Variants in MCOLN3 observed in about 807,000 individuals in gnomAD.
MCOLN3 encodes the protein mucolipin-3.
A neutral mutation model predicts 69.4 loss-of-function variants in MCOLN3; 62 were observed. That is an observed-to-expected ratio of 0.89 (90% CI 0.73 to 1.10). The LOEUF is 1.10. Ranked by LOEUF, MCOLN3 falls within the 50% of genes least tolerant of loss-of-function variation. MCOLN3 has a pLI of 0.00. For synonymous variants in MCOLN3, 183 were observed against 217.0 expected (o/e 0.84, Z 1.38); for missense variants, 564 against 656.4 (o/e 0.86, Z 1.54).
chr1:85,047,796 G>A (rs1022841129), intron 1 of MCOLN3, among the ~76,000 whole-genome samples: 6 of 152,148 alleles, frequency 3.9e-5, no homozygotes, highest in African/African-American at 1.4e-4. Context: ...TTGTTGGGTA[G>A]TGTGTGCGAG....
At chr1:85,044,786 A>C (rs1290893116) in intron 2 of MCOLN3, among the ~76,000 whole-genome samples, 1 of 152,246 alleles carries the variant, frequency 6.6e-6, no homozygotes, top group Non-Finnish European at 1.5e-5. Flanking sequence ...CTAGGAAGGA[A>C]AAGAAAGTCC....
At chr1:85,045,405 T>A (rs766950232) in intron 1 of MCOLN3, 43 bp from the exon 2 acceptor site, 10 of 1,484,834 alleles carry the variant, frequency 6.7e-6, no homozygotes, top group Non-Finnish European at 9.2e-6. Flanking sequence ...ACATTTCCAT[T>A]TAGTGAGTAA....
chr1:85,021,237 G>C lies in MCOLN3; in HGVS notation c.1360C>G (p.Leu454Val). The C allele has an allele frequency of 6.2e-7, 1 of 1,613,730 alleles. No individual in the cohort carries two copies. The highest frequency in any genetic ancestry group is 1.1e-5 in the South Asian group (1 of 91,022). ...LNMVSECLFSLINGDDMFATF... is the reference protein window; with the variant it reads ...LNMVSECLFSVINGDDMFATF... ...GCAAACATATCATCTCCATTTATCAGAGAGAAAAGGCACTCAGAGACCATG... is the reference window on the plus strand; with the variant it reads ...GCAAACATATCATCTCCATTTATCACAGAGAAAAGGCACTCAGAGACCATG... Residue 454 changes from leucine to valine, a missense_variant, in exon 12 of 13, where the codon CTG becomes GTG. By Grantham distance (32) the Leu-to-Val change is conservative (BLOSUM62 1). Transcript: ENST00000370589.
At chr1:85,021,029 T>C in intron 12 of MCOLN3, 41 bp downstream of exon 12, 2 of 1,456,402 alleles carry the variant, frequency 1.4e-6, no homozygotes. Flanking sequence ...CTCTACAAGT[T>C]ATAGGACAAT....
intron 6 of MCOLN3, among the ~76,000 whole-genome samples, chr1:85,032,307 A>T (rs1652577604): frequency 6.6e-6 from 1 of 152,198 alleles, no homozygotes; most frequent in Non-Finnish European, 1.5e-5. Context: ...CATGGTGAAG[A>T]CACTAAGTAA....
chr1:85,045,369 GAAA>G lies in MCOLN3; in HGVS notation c.-2-10_-2-8del, dbSNP rs766059113. 3.1e-6 allele frequency: 5 copies of G among 1,594,126 alleles called. No homozygotes were observed. Among genetic ancestry groups the G allele is most frequent in the Non-Finnish European group, 4.3e-6 (5 of 1,169,916 alleles). The stretch of plus-strand genomic sequence containing the variant: ...ACCTCAGGATCTGCCATCTCTAGAG[GAAA>G]AAAACAACAACAACAACAACCAACA... On this transcript the variant is annotated splice_region_variant and splice_polypyrimidine_tract_variant and intron_variant, in intron 1 of 12. Transcript: ENST00000370589.
intron 1 of MCOLN3, among the ~76,000 whole-genome samples, chr1:85,046,225 C>T (rs1205839375): frequency 6.6e-6 from 1 of 151,976 alleles, no homozygotes; most frequent in Non-Finnish European, 1.5e-5. Context: ...GCCTAATTCC[C>T]AGTCTGTGGC....
chr1:85,031,415 G>A (rs944202413), intron 6 of MCOLN3, among the ~76,000 whole-genome samples: 2 of 152,002 alleles, frequency 1.3e-5, no homozygotes, highest in African/African-American at 4.8e-5. Flanking sequence ...TAAAAAAGTG[G>A]TAAATATTTG....
At chr1:85,044,236 T>C (rs1476410650) in intron 2 of MCOLN3, among the ~76,000 whole-genome samples, 1 of 152,232 alleles carries the variant, frequency 6.6e-6, no homozygotes, top group African/African-American at 2.4e-5. Flanking sequence ...TTCATATGAT[T>C]GTAAAAATTG....
chr1:85,022,579 A>C (rs573737927), intron 9 of MCOLN3, 179 bp from the exon 10 acceptor site: 57 of 499,816 alleles, frequency 1.1e-4, no homozygotes, highest in East Asian at 2.8e-4. Flanking sequence ...AGACAACAGA[A>C]ATAAGTTAAT....
intron 3 of MCOLN3, among the ~76,000 whole-genome samples, chr1:85,035,402 G>A (rs974923071): frequency 1.3e-5 from 2 of 152,132 alleles, no homozygotes; most frequent in Admixed American, 1.3e-4. Flanking sequence ...TACCACACAT[G>A]GATGACAATC....
intron 3 of MCOLN3, among the ~76,000 whole-genome samples, chr1:85,039,783 A>T (rs1652971772): frequency 6.6e-6 from 1 of 151,938 alleles, no homozygotes. Flanking sequence ...CTGTCTCTAT[A>T]AAAAAAATTT....
Position 85,026,162 on chromosome 1 carries a change from C to T in MCOLN3, c.945+10G>A, listed in dbSNP as rs183217385. ...TGTCAGTAGCATTCCTAGAAAGCAA[C>T]GTTCCCTACCTGCTGAAGCTGAAGT... On this transcript the variant is annotated intron_variant, in intron 8 of 12. Transcript: ENST00000370589. 64 of 1,613,442 alleles carry T rather than the reference C, an allele frequency of 4.0e-5. No individual in the cohort carries two copies. The East Asian group carries it at 8.5e-4, about 21-fold the overall frequency.
rs972901123 is a variant in MCOLN3 at position 85,031,888 on chromosome 1, C to T, written c.732+808G>A. On this transcript the variant is annotated intron_variant, in intron 6 of 12. Coordinates refer to ENST00000370589, the MANE Select transcript of MCOLN3 (RefSeq NM_018298.11). ...AAGATCGAGACCATCCTGGCTAACGCGGTGAAACCCCGTCTCTGCTAAAAA... is the reference window on the plus strand; with the variant it reads ...AAGATCGAGACCATCCTGGCTAACGTGGTGAAACCCCGTCTCTGCTAAAAA... Among the ~76,000 whole-genome samples, 13 of 147,730 alleles carry T rather than the reference C, an allele frequency of 8.8e-5. 1 individual carries two copies. Among genetic ancestry groups the T allele is most frequent in the African/African-American group, 7.5e-5 (3 of 40,060 alleles).
In MCOLN3 at chr1:85,022,199, A is replaced by G. The variant is rs1280464330; in HGVS notation, c.1198-7T>C. On this transcript the variant is annotated splice_polypyrimidine_tract_variant and splice_region_variant and intron_variant, in intron 10 of 12. Transcript: ENST00000370589. ...GAAGGGTCAAAATGAGGAGCTGGGA[A>G]AGTAAGAGAGGCCATTAGAATGGTT... 6.2e-7 allele frequency: 1 copy of G among 1,613,984 alleles called. No individual in the cohort carries two copies. Among genetic ancestry groups the G allele is most frequent in the Non-Finnish European group, 8.5e-7 (1 of 1,179,926 alleles).
At chr1:85,043,274 A>C (rs1456611456) in intron 2 of MCOLN3, among the ~76,000 whole-genome samples, 2 of 152,142 alleles carry the variant, frequency 1.3e-5, no homozygotes, top group African/African-American at 4.8e-5. Context: ...TCACGCCTGT[A>C]ATCCCAGCAC....
In MCOLN3 at chr1:85,032,857, G is replaced by C. The variant is rs760125204; in HGVS notation, c.635+15C>G. 5 of 1,613,896 alleles carry C rather than the reference G, an allele frequency of 3.1e-6. No individual in the cohort carries two copies. Among genetic ancestry groups the C allele is most frequent in the Non-Finnish European group, 4.2e-6 (5 of 1,179,904 alleles). ...ACGTGCAAACGTAAGTTACACTCCT[G>C]TCTGCTCCCCTCACCTGTGGAAGTC... On this transcript the variant is annotated intron_variant, in intron 5 of 12. Coordinates refer to ENST00000370589, the MANE Select transcript of MCOLN3 (RefSeq NM_018298.11).
intron 1 of MCOLN3, among the ~76,000 whole-genome samples, chr1:85,046,854 C>G (rs1343782560): frequency 2.6e-5 from 4 of 152,150 alleles, no homozygotes; most frequent in African/African-American, 9.7e-5. Flanking sequence ...TTATATAACT[C>G]ATTAAAGTGT....
At chr1:85,029,523 C>CA (rs1652398431) in intron 6 of MCOLN3, 1 of 190,852 alleles carries the variant, frequency 5.2e-6, no homozygotes, top group African/African-American at 2.3e-5. Flanking sequence ...ATACCTTCTT[C>CA]ATGTGAGCAA....
Sources: allele counts gnomAD v4.1 joint callset (sites outside exome capture counted in the v4.1 genomes callset), GRCh38; gene constraint gnomAD v4.1.1; transcripts MANE v1.5; gene names NCBI Gene and HGNC (gene_info 2026-07-23, HGNC 2026-07-21).